CACNA1G: variants seen among roughly 807,000 people sequenced by gnomAD.
CACNA1G encodes voltage-dependent T-type calcium channel subunit alpha-1G.
In CACNA1G, 67 loss-of-function variants were observed where a neutral mutation model predicts 219.4. That is an observed-to-expected ratio of 0.31 (90% CI 0.25 to 0.37). The LOEUF (loss-of-function observed/expected upper bound fraction) is 0.37. Ranked by LOEUF, CACNA1G falls within the 10% of genes least tolerant of loss-of-function variation. The pLI is 1.00. For synonymous variants in CACNA1G, 1,296 were observed against 1,345.3 expected, an observed-to-expected ratio of 0.96 and a Z score of 0.80; for missense variants, 2,380 against 3,231.4, an observed-to-expected ratio of 0.74 and a Z score of 6.39.
rs1350233036 is a variant in CACNA1G at position 50,600,838 on chromosome 17, G to A, written c.3791+12G>A. 2 of 1,609,370 alleles carry A rather than the reference G, an allele frequency of 1.2e-6. No homozygotes were observed. The highest frequency in any genetic ancestry group is 1.7e-6 in the Non-Finnish European group (2 of 1,175,890). ...CCTCCTCAGTCCAGGTAAGTGACAG[G>A]GCAGGGGTCTGACCTGTGTCCCGAC... On this transcript the variant is annotated intron_variant, in intron 18 of 37. Coordinates refer to ENST00000359106, the MANE Select transcript of CACNA1G (RefSeq NM_018896.5). The surrounding 1 kb of genome is among the most constrained non-coding windows in gnomAD (Gnocchi z 4.1).
chr17:50,578,231 A>T lies in CACNA1G; in HGVS notation c.1968A>T (p.Lys656Asn). 1 of 1,603,926 alleles carries T rather than the reference A, an allele frequency of 6.2e-7. No homozygotes were observed. The highest frequency in any genetic ancestry group is 8.5e-7 in the Non-Finnish European group (1 of 1,173,998). ...SSCKISSPCL[K>N]ADSGACGPDS... is the part of the protein sequence containing the mutation. ...GCAAGATCTCCAGCCCTTGCTTGAA[A>T]GCAGACAGTGGAGCCTGTGGTCCAG... Residue 656 changes from lysine to asparagine, a missense_variant, in exon 9 of 38, where the codon AAA becomes AAT. Physicochemically the swap from Lys to Asn is moderately conservative, Grantham distance 94 (BLOSUM62 0). Around this residue, in one of 17 missense-constraint regions of CACNA1G, gnomAD observed 434 missense variants for 417.3 expected, o/e 1.04. Coordinates refer to ENST00000359106, the MANE Select transcript of CACNA1G (RefSeq NM_018896.5). The surrounding 1 kb of genome is among the most constrained non-coding windows in gnomAD (Gnocchi z 4.5).
intron 13 of CACNA1G, among the ~76,000 whole-genome samples, chr17:50,592,297 T>G (rs2044490610): frequency 6.6e-6 from 1 of 152,126 alleles, no homozygotes; most frequent in Non-Finnish European, 1.5e-5. Context: ...ACAGGGTGGT[T>G]GTTTGGGGTC....
chr17:50,576,426 A>T (rs772123650), intron 8 of CACNA1G, 100 bp downstream of exon 8: 19 of 1,171,592 alleles, frequency 1.6e-5, no homozygotes, highest in Non-Finnish European at 2.4e-5. Flanking sequence ...ACCAGGGCTT[A>T]TATTCTCATG....
At chr17:50,602,987 C>A (rs770124135) in intron 20 of CACNA1G, 28 bp from the exon 21 acceptor site, 21 of 1,609,110 alleles carry the variant, frequency 1.3e-5, no homozygotes, top group African/African-American at 4.0e-5. Flanking sequence ...GCAGGGAGGG[C>A]GGCCGATGAC....
intron 16 of CACNA1G, among the ~76,000 whole-genome samples, chr17:50,597,298 A>G (rs1213643460): frequency 6.6e-6 from 1 of 152,094 alleles, no homozygotes; most frequent in Admixed American, 6.5e-5. Context: ...ACTGTTCTAA[A>G]CACTACTCCG....
Position 50,561,043 on chromosome 17 carries a change from A to C in CACNA1G, c.-417A>C. ...ATCCGGCTCCAGCTGCGCCGCGGGA[A>C]GAGGGGGCGCCCCTCCCCGGACCCC... On this transcript the variant is annotated 5_prime_UTR_variant, in exon 1 of 38. Coordinates refer to ENST00000359106, the MANE Select transcript of CACNA1G (RefSeq NM_018896.5). 4 of 336,888 alleles carry C rather than the reference A, an allele frequency of 1.2e-5. No individual in the cohort carries two copies. Among genetic ancestry groups the C allele is most frequent in the Non-Finnish European group, 1.7e-5 (3 of 175,300 alleles). The allele number at this position is 336,888 out of a possible 1,614,324, so 20.9% of individuals were successfully genotyped here.
In CACNA1G at chr17:50,618,922, G is replaced by A. The variant is rs762521668; in HGVS notation, c.5695G>A (p.Asp1899Asn). The A allele has an allele frequency of 3.1e-5, 50 of 1,601,310 alleles. No homozygotes were observed. The highest frequency in any genetic ancestry group is 6.7e-5 in the Admixed American group (4 of 59,368). ...PFLWPGVEGP[D>N]SPDSPKPGAL... ...CCTCTGGCCTGGGGTCGAGGGCCCC[G>A]ACAGCCCCGACAGCCCCAAGCCTGG... is the stretch of plus-strand genomic sequence containing the variant. The change falls in exon 33 of 38, where the codon GAC becomes AAC. Residue 1899 changes from aspartate to asparagine, a missense_variant. Coordinates refer to ENST00000359106, the MANE Select transcript of CACNA1G (RefSeq NM_018896.5). This position sits in a 1 kb window ranked among gnomAD's most constrained non-coding sequence, Gnocchi z 5.3.
At chr17:50,579,431 T>A (rs1212570954) in intron 9 of CACNA1G, among the ~76,000 whole-genome samples, 1 of 152,102 alleles carries the variant, frequency 6.6e-6, no homozygotes, top group South Asian at 2.1e-4. Context: ...GAGCTGAAGA[T>A]GCCCGCTTGT....
chr17:50,608,104 T>C (rs2048326779), intron 25 of CACNA1G, 85 bp downstream of exon 25: 1 of 1,280,410 alleles, frequency 7.8e-7, no homozygotes, highest in Admixed American at 2.1e-5. Context: ...TGCAGGGGGC[T>C]GGGCGCTGGG....
intron 19 of CACNA1G, among the ~76,000 whole-genome samples, chr17:50,602,457 C>T (rs921179260): frequency 6.6e-6 from 1 of 152,220 alleles, no homozygotes; most frequent in Non-Finnish European, 1.5e-5. Context: ...AGGCAAGGGT[C>T]AGAGATCAAG....
At chr17:50,591,901 CT>C (rs763328781) in intron 12 of CACNA1G, 35 bp from the exon 13 acceptor site, 1 of 1,613,898 alleles carries the variant, frequency 6.2e-7, no homozygotes, top group African/African-American at 1.3e-5. Flanking sequence ...TCAGGTGCCC[CT>C]AGTATAGGCC....
chr17:50,589,912 C>CTCTCTCTCTGTGTGTGTG (rs1326523232), intron 9 of CACNA1G, among the ~76,000 whole-genome samples: 133 of 141,908 alleles, frequency 9.4e-4, no homozygotes, highest in African/African-American at 3.6e-3. Flanking sequence ...CTCTCTCTCT[C>CTCTCTCTCTGTGTGTGTG]TGTGTGTGTG....
At position 50,596,477 on chromosome 17, in the gene CACNA1G, C is replaced by G; in HGVS notation, c.2980-85C>G. 1 of 1,015,408 alleles carries G rather than the reference C, an allele frequency of 9.8e-7. No homozygotes were observed. The highest frequency in any genetic ancestry group is 1.3e-5 in the South Asian group (1 of 75,728). The allele number at this position is 1,015,408 out of a possible 1,614,324, so 62.9% of individuals were successfully genotyped here. On this transcript the variant is annotated intron_variant, in intron 14 of 37. Transcript: ENST00000359106. The surrounding 1 kb of genome is among the most constrained non-coding windows in gnomAD (Gnocchi z 4.8). ...GTTCCTGTGGCCTATATGTGGTGTG[C>G]GTGTGTGAAGAGAGGGAGGCCCGGT...
Position 50,626,559 on chromosome 17 carries a change from C to T in CACNA1G, c.6942C>T (p.Asp2314=), listed in dbSNP as rs1217839196. Residue 2314 remains aspartate (D), a synonymous_variant, in exon 38 of 38, where the codon GAC becomes GAT. Coordinates refer to ENST00000359106, the MANE Select transcript of CACNA1G (RefSeq NM_018896.5). The surrounding 1 kb of genome is among the most constrained non-coding windows in gnomAD (Gnocchi z 4.3). ...TCAGCCCGCCTAGTATCACCATAGA[C>T]CCCCCCGAGAGCCAAGGTCCTCGGA... is the stretch of plus-strand genomic sequence containing the variant. ...KKLSPPSITI[D]PPESQGPRTP... 1.3e-6 allele frequency: 2 copies of T among 1,587,880 alleles called. No individual in the cohort carries two copies. Among genetic ancestry groups the T allele is most frequent in the African/African-American group, 2.7e-5 (2 of 73,786 alleles).
In CACNA1G at chr17:50,571,278, G is replaced by C. The variant is rs1359084039; in HGVS notation, c.587-600G>C. ...ACAGGGCATCTTGGCCCCTGCCTAG[G>C]AGCTGGCTCTCAAAATGAGATTCCT... On this transcript the variant is annotated intron_variant, in intron 4 of 37. Transcript: ENST00000359106. The surrounding 1 kb of genome is among the most constrained non-coding windows in gnomAD (Gnocchi z 4.3). Among the ~76,000 whole-genome samples, 1 of 152,224 alleles carries C rather than the reference G, an allele frequency of 6.6e-6. No homozygotes were observed. The highest frequency in any genetic ancestry group is 1.5e-5 in the Non-Finnish European group (1 of 68,040).
Position 50,600,940 on chromosome 17 carries a change from C to T in CACNA1G, c.3792-111C>T, listed in dbSNP as rs2046497061. The T allele has an allele frequency of 1.7e-5, 26 of 1,565,858 alleles. No homozygotes were observed. The highest frequency in any genetic ancestry group is 2.1e-5 in the Non-Finnish European group (24 of 1,142,642). ...AGTGGCACCCTGCCTGGGGTGTGAGCAGGGTGGCCTCAGCTGGGAGGGCAC... is the reference window on the plus strand; with the variant it reads ...AGTGGCACCCTGCCTGGGGTGTGAGTAGGGTGGCCTCAGCTGGGAGGGCAC... On this transcript the variant is annotated intron_variant, in intron 18 of 37. Coordinates refer to ENST00000359106, the MANE Select transcript of CACNA1G (RefSeq NM_018896.5). This position sits in a 1 kb window ranked among gnomAD's most constrained non-coding sequence, Gnocchi z 4.1.
intron 9 of CACNA1G, among the ~76,000 whole-genome samples, chr17:50,585,624 G>A (rs550789453): frequency 2.6e-5 from 4 of 152,200 alleles, no homozygotes; most frequent in South Asian, 4.1e-4. Context: ...ACCTAGCAGT[G>A]TGCCCAGTGG....
intron 37 of CACNA1G, among the ~76,000 whole-genome samples, chr17:50,624,793 T>G (rs532109631): frequency 1.3e-5 from 2 of 152,282 alleles, no homozygotes; most frequent in East Asian, 3.9e-4. Flanking sequence ...CATGCCTATC[T>G]GGTCGGAGGT....
At position 50,576,297 on chromosome 17, in the gene CACNA1G, T is replaced by C. The variant is rs773021428; in HGVS notation, c.1895T>C (p.Met632Thr). The C allele has an allele frequency of 1.9e-6, 3 of 1,577,944 alleles. No homozygotes were observed. The highest frequency in any genetic ancestry group is 3.6e-5 in the Admixed American group (2 of 55,060). Residue 632 changes from methionine (M) to threonine (T), a missense_variant, in exon 8 of 38, where the codon ATG becomes ACG. Met to Thr is a moderately conservative substitution (Grantham distance 81). Coordinates refer to ENST00000359106, the MANE Select transcript of CACNA1G (RefSeq NM_018896.5). ...ATCCCACCCGGGCCCTACAGCTCCA[T>C]GCACAAGCTGCTGGAGACACAGAGT... ...LNIPPGPYSS[M>T]HKLLETQSTG...
Sources: gnomAD v4.1 joint callset for allele counts (sites outside exome capture counted in the v4.1 genomes callset) on GRCh38, gnomAD v4.1.1 for gene constraint, gnomAD v4.1.1 regional missense constraint, Gnocchi (gnomAD v3.1) non-coding constraint, MANE v1.5 for transcripts, NCBI Gene and HGNC (gene_info 2026-07-23, HGNC 2026-07-21) for gene names.